SKIDA1: variants seen among roughly 807,000 people sequenced by gnomAD.
The protein encoded by SKIDA1 is SKI/DACH domain-containing protein 1.
A neutral mutation model predicts 51.4 loss-of-function variants in SKIDA1; 18 were observed. The observed-to-expected ratio is 0.35, with a 90% confidence interval of 0.24 to 0.52. SKIDA1 has a LOEUF of 0.52. Among genes scored for constraint, SKIDA1 ranks in the 20% least tolerant of loss-of-function variants. SKIDA1 has a pLI of 0.95. For synonymous variants in SKIDA1, 579 were observed against 500.5 expected (o/e 1.16, Z -2.09); for missense variants, 1,104 against 1,180.6 (o/e 0.94, Z 0.95).
chr10:21,515,468 T>C lies in SKIDA1; in HGVS notation c.2355A>G (p.Val785=), dbSNP rs973492701. The C allele has an allele frequency of 5.6e-6, 9 of 1,613,922 alleles. No homozygotes were observed. Among genetic ancestry groups the C allele is most frequent in the South Asian group, 5.5e-5 (5 of 91,092 alleles). The change falls in exon 4 of 4, where the codon GTA becomes GTG. Residue 785 remains valine, a synonymous_variant. Transcript: ENST00000449193. The part of the protein sequence containing the change: ...ARVRKNYRTL[V]LGKRPVLQTP... Reference sequence around the variant, plus strand: ...TCTGAAGGACAGGTCGCTTTCCCAGTACTAGTGTCCGGTAATTTTTTCTCA... The same window carrying C: ...TCTGAAGGACAGGTCGCTTTCCCAGCACTAGTGTCCGGTAATTTTTTCTCA...
intron 1 of SKIDA1, chr10:21,524,792 G>C (rs150400092): frequency 6.6e-6 from 1 of 152,282 alleles, no homozygotes; most frequent in Non-Finnish European, 1.5e-5. Context: ...GTTTGTCCTT[G>C]TATCCACCAG....
chr10:21,518,035 G>C lies in SKIDA1; in HGVS notation c.-213C>G. The C allele has an allele frequency of 1.9e-6, 1 of 520,598 alleles. No homozygotes were observed. The allele number at this position is 520,598 out of a possible 1,614,324, so 32.2% of individuals were successfully genotyped here. A position where few individuals can be genotyped will look rare whatever the true frequency, so the allele number is the denominator to read the frequency against. ...AAACCCCATGAAATTACACTGACTT[G>C]ATTCTTGCTTTTTTGTTGTTGTTGT... On this transcript the variant is annotated 5_prime_UTR_variant, in exon 4 of 4. It adds an upstream start codon to the 5' untranslated region. Coordinates refer to ENST00000449193, the MANE Select transcript of SKIDA1 (RefSeq NM_207371.4).
At position 21,516,870 on chromosome 10, in the gene SKIDA1, G is replaced by A. The variant is rs1379036176; in HGVS notation, c.953C>T (p.Ala318Val). 1.5e-6 allele frequency: 2 copies of A among 1,303,252 alleles called. No individual in the cohort carries two copies. Among genetic ancestry groups the A allele is most frequent in the Non-Finnish European group, 9.7e-7 (1 of 1,031,234 alleles). 80.7% of individuals were successfully genotyped at this position (1,303,252 alleles called of 1,614,324 possible). Residue 318 changes from alanine (A) to valine (V), a missense_variant, in exon 4 of 4, where the codon GCG (alanine) becomes GTG (valine). Transcript: ENST00000449193. This position sits in a 1 kb window ranked among gnomAD's most constrained non-coding sequence, Gnocchi z 5.7. ...AAAAAAAAAA[A>V]GATCLERFHL... ...AAACCTCTCCAGGCAAGTGGCCCCC[G>A]CGGCGGCCGCCGCCGCCGCTGCCGC...
rs979413962 is a variant in SKIDA1, at chr10:21,518,001, G to T, written c.-179C>A. On this transcript the variant is annotated 5_prime_UTR_variant, in exon 4 of 4. Transcript: ENST00000449193. Reference sequence around the variant, plus strand: ...TGCCAAACTCTAGGCGAAATTATTGGGGGGGGGGAAACCCCATGAAATTAC... The same window carrying T: ...TGCCAAACTCTAGGCGAAATTATTGTGGGGGGGGAAACCCCATGAAATTAC... 3.1e-5 allele frequency: 17 copies of T among 544,598 alleles called. No individual in the cohort carries two copies. The highest frequency in any genetic ancestry group is 4.7e-5 in the Non-Finnish European group (15 of 316,362). 33.7% of individuals were successfully genotyped at this position (544,598 alleles called of 1,614,324 possible).
rs1394106319 is a variant in SKIDA1, at chr10:21,516,128, C to T, written c.1695G>A (p.Lys565=). The T allele has an allele frequency of 1.9e-6, 3 of 1,613,920 alleles. No individual in the cohort carries two copies. The highest frequency in any genetic ancestry group is 3.3e-5 in the Admixed American group (2 of 60,004). Reference sequence around the variant, plus strand: ...GGCAGTTAATTGTCAGGTCAGTTCTCTTTACAGCATTGGAAATTTCAGAGT... The same window carrying T: ...GGCAGTTAATTGTCAGGTCAGTTCTTTTTACAGCATTGGAAATTTCAGAGT... ...FPHSEISNAV[K]RTDLTINCLA... The change falls in exon 4 of 4, where the codon AAG becomes AAA. Residue 565 remains lysine (K), a synonymous_variant. Coordinates refer to ENST00000449193, the MANE Select transcript of SKIDA1 (RefSeq NM_207371.4). This position sits in a 1 kb window ranked among gnomAD's most constrained non-coding sequence, Gnocchi z 5.7.
At chr10:21,521,359 A>G (rs559551997) in intron 3 of SKIDA1, 30 bp downstream of exon 3, 1 of 152,766 alleles carries the variant, frequency 6.5e-6, no homozygotes, top group East Asian at 1.9e-4. Context: ...GTTATCAATT[A>G]TGCTTAAAGT....
At position 21,517,334 on chromosome 10, in the gene SKIDA1, C is replaced by T; in HGVS notation, c.489G>A (p.Ala163=). 7.0e-7 allele frequency: 1 copy of T among 1,423,530 alleles called. No homozygotes were observed. The highest frequency in any genetic ancestry group is 3.1e-5 in the Admixed American group (1 of 32,304). The allele number at this position is 1,423,530 out of a possible 1,614,324, so 88.2% of individuals were successfully genotyped here. A position where few individuals can be genotyped will look rare whatever the true frequency, so the allele number is the denominator to read the frequency against. ...TCTGAGGTAGATGGGCGGCGGGGCGCGCGGCGGCGGCGCCCGGGCGCTGGG... is the reference window on the plus strand; with the variant it reads ...TCTGAGGTAGATGGGCGGCGGGGCGTGCGGCGGCGGCGCCCGGGCGCTGGG... ...AQSQRPGAAA[A]RPAAHLPQIF... is the part of the protein sequence containing the mutation. The change falls in exon 4 of 4, where the codon GCG becomes GCA. Residue 163 remains alanine, a synonymous_variant. Coordinates refer to ENST00000449193, the MANE Select transcript of SKIDA1 (RefSeq NM_207371.4). The surrounding 1 kb of genome is among the most constrained non-coding windows in gnomAD (Gnocchi z 6.9).
At chr10:21,524,693 G>T (rs2032599765) in intron 1 of SKIDA1, 1 of 145,074 alleles carries the variant, frequency 6.9e-6, no homozygotes, top group Admixed American at 7.3e-5. Context: ...AAACTCTCCC[G>T]ACATCCGTAG....
chr10:21,517,044 C>T lies in SKIDA1; in HGVS notation c.779G>A (p.Gly260Asp), dbSNP rs1277723356. Reference sequence around the variant, plus strand: ...GCTCAGGCTCCCCGGGCCTCCGGCGCCCGCCGCTGCCTTGGGCTGGGGCCC... The same window carrying T: ...GCTCAGGCTCCCCGGGCCTCCGGCGTCCGCCGCTGCCTTGGGCTGGGGCCC... ...AAGPQPKAAAGAGGPGSLSYR... is the reference protein window; with the variant it reads ...AAGPQPKAAADAGGPGSLSYR... The change falls in exon 4 of 4, where the codon GGC becomes GAC. Residue 260 changes from glycine to aspartate, a missense_variant. Physicochemically the swap from Gly to Asp is moderately conservative, Grantham distance 94 (BLOSUM62 -1). Transcript: ENST00000449193. The surrounding 1 kb of genome is among the most constrained non-coding windows in gnomAD (Gnocchi z 6.9). 2 of 1,018,192 alleles carry T rather than the reference C, an allele frequency of 2.0e-6. No individual in the cohort carries two copies. Among genetic ancestry groups the T allele is most frequent in the Non-Finnish European group, 2.3e-6 (2 of 855,394 alleles). 63.1% of individuals were successfully genotyped at this position (1,018,192 alleles called of 1,614,324 possible). A position where few individuals can be genotyped will look rare whatever the true frequency, so the allele number is the denominator to read the frequency against.
In SKIDA1 at chr10:21,517,434, C is replaced by T; in HGVS notation, c.389G>A (p.Gly130Glu). The change falls in exon 4 of 4, where the codon GGA (glycine) becomes GAA (glutamate). Residue 130 changes from glycine to glutamate, a missense_variant. Gly to Glu is a moderately conservative substitution (Grantham distance 98). Transcript: ENST00000449193. This position sits in a 1 kb window ranked among gnomAD's most constrained non-coding sequence, Gnocchi z 6.9. Reference sequence around the variant, plus strand: ...AAGTTGGTGCTTGTCCTTCCAAAATCCCGGGCGGGGGCTGGCGGCAGCGGC... The same window carrying T: ...AAGTTGGTGCTTGTCCTTCCAAAATTCCGGGCGGGGGCTGGCGGCAGCGGC... The part of the protein sequence containing the change: ...ERAAAASPRP[G>E]FWKDKHQLWR... 6.7e-7 allele frequency: 1 copy of T among 1,492,026 alleles called. No homozygotes were observed. The highest frequency in any genetic ancestry group is 8.9e-7 in the Non-Finnish European group (1 of 1,126,970). 92.4% of individuals were successfully genotyped at this position (1,492,026 alleles called of 1,614,324 possible). A position where few individuals can be genotyped will look rare whatever the true frequency, so the allele number is the denominator to read the frequency against.
rs1261016056 is a variant in SKIDA1 at position 21,514,556 on chromosome 10, A to G, written c.*540T>C. ...AGAGGGAATAAGGGGAGTCAAAAGA[A>G]AAAGATACCCCACAAACAAGAGCTC... On this transcript the variant is annotated 3_prime_UTR_variant, in exon 4 of 4. Coordinates refer to ENST00000449193, the MANE Select transcript of SKIDA1 (RefSeq NM_207371.4). 1 of 152,688 alleles carries G rather than the reference A, an allele frequency of 6.5e-6. No homozygotes were observed. The highest frequency in any genetic ancestry group is 6.5e-5 in the Admixed American group (1 of 15,276). 9.5% of individuals were successfully genotyped at this position (152,688 alleles called of 1,614,324 possible).
In SKIDA1 at chr10:21,513,580, C is replaced by T. The variant is rs1588678686; in HGVS notation, c.*1516G>A. The T allele has an allele frequency of 1.3e-5, 2 of 152,632 alleles. No individual in the cohort carries two copies. The highest frequency in any genetic ancestry group is 1.3e-4 in the Admixed American group (2 of 15,288). The allele number at this position is 152,632 out of a possible 1,614,324, so 9.5% of individuals were successfully genotyped here. On this transcript the variant is annotated 3_prime_UTR_variant, in exon 4 of 4. Transcript: ENST00000449193. Reference sequence around the variant, plus strand: ...CTGCTTCCATCATCACAACACAGTACACCAGCATGGCCCTTACCCAGGGCT... The same window carrying T: ...CTGCTTCCATCATCACAACACAGTATACCAGCATGGCCCTTACCCAGGGCT...
intron 2 of SKIDA1, among the ~76,000 whole-genome samples, chr10:21,522,843 C>T (rs1007101550): frequency 2.1e-4 from 32 of 151,770 alleles, no homozygotes; most frequent in Admixed American, 1.3e-4. Context: ...CCTTTTTTTG[C>T]CCCCTGACCC....
rs1254859644 is a variant in SKIDA1 at position 21,517,541 on chromosome 10, G to A, written c.282C>T (p.Ser94=). The change falls in exon 4 of 4, where the codon TCC becomes TCT. Residue 94 remains serine, a synonymous_variant. Transcript: ENST00000449193. This position sits in a 1 kb window ranked among gnomAD's most constrained non-coding sequence, Gnocchi z 6.9. The stretch of plus-strand genomic sequence containing the variant: ...TCTTGAGGACGCGCTCGGTTTTGCA[G>A]GAGGTGTAGAGCGCTTCCACGTCTT... ...SREDVEALYT[S]CKTERVLKTK... 1 of 1,596,348 alleles carries A rather than the reference G, an allele frequency of 6.3e-7. No homozygotes were observed.
At position 21,514,489 on chromosome 10, in the gene SKIDA1, CA is replaced by C. The variant is rs1370957794; in HGVS notation, c.*606del. 44 of 131,140 alleles carry C rather than the reference CA, an allele frequency of 3.4e-4. No homozygotes were observed. Among genetic ancestry groups the C allele is most frequent in the Admixed American group, 1.3e-3 (17 of 13,416 alleles). The allele number at this position is 131,140 out of a possible 1,614,324, so 8.1% of individuals were successfully genotyped here. On this transcript the variant is annotated 3_prime_UTR_variant, in exon 4 of 4. Transcript: ENST00000449193. The stretch of plus-strand genomic sequence containing the variant: ...ATCAGGACTCACACCCCAATCTTTC[CA>C]CTAAAAAAAAAAAAAAAAAGTTAAG...
Position 21,515,587 on chromosome 10 carries a change from G to A in SKIDA1, c.2236C>T (p.Pro746Ser), listed in dbSNP as rs1358894648. Residue 746 changes from proline to serine, a missense_variant, in exon 4 of 4, where the codon CCT becomes TCT. This residue lies in a region of SKIDA1 where 938 missense variants were observed against 886.4 expected (regional missense o/e 1.06). Transcript: ENST00000449193. ...EGFACPEKET[P>S]SLNPLAQSQG... ...CTTTGAGCCAGTGGATTTAAGGAAGGAGTTTCTTTTTCAGGGCATGCAAAA... is the reference window on the plus strand; with the variant it reads ...CTTTGAGCCAGTGGATTTAAGGAAGAAGTTTCTTTTTCAGGGCATGCAAAA... 4 of 1,614,024 alleles carry A rather than the reference G, an allele frequency of 2.5e-6. 1 individual carries two copies. The South Asian group carries it at 4.4e-5, about 18-fold the overall frequency.
rs1225024244 is a variant in SKIDA1, at chr10:21,514,232, A to AAAAG, written c.*863_*864insCTTT. On this transcript the variant is annotated 3_prime_UTR_variant, in exon 4 of 4. Transcript: ENST00000449193. ...TCTCTCCAAAAAAAAAAAAAAAAAA[A>AAAAG]AAAAGAAATATTTCAATTGTTTTGG... 1.3e-5 allele frequency: 2 copies of AAAAG among 151,120 alleles called. No individual in the cohort carries two copies. Among genetic ancestry groups the AAAAG allele is most frequent in the Admixed American group, 6.6e-5 (1 of 15,150 alleles). The allele number at this position is 151,120 out of a possible 1,614,324, so 9.4% of individuals were successfully genotyped here.
At chr10:21,524,277 T>A (rs2032549660) in intron 1 of SKIDA1, among the ~76,000 whole-genome samples, 1 of 152,130 alleles carries the variant, frequency 6.6e-6, no homozygotes, top group Admixed American at 6.5e-5. Context: ...ACAACAAACG[T>A]TATGGAAAAC....
chr10:21,515,393 T>C lies in SKIDA1; in HGVS notation c.2430A>G (p.Thr810=), dbSNP rs766510393. The part of the protein sequence containing the change: ...NLKSARSPRP[T]GKTETNEGTL... The stretch of plus-strand genomic sequence containing the variant: ...TTCCTTCATTTGTCTCAGTTTTACC[T>C]GTAGGACGAGGGCTTCTAGCTGATT... The change falls in exon 4 of 4, where the codon ACA becomes ACG. Residue 810 remains threonine, a synonymous_variant. Transcript: ENST00000449193. 13 of 1,613,950 alleles carry C rather than the reference T, an allele frequency of 8.1e-6. No homozygotes were observed. The highest frequency in any genetic ancestry group is 5.9e-6 in the Non-Finnish European group (7 of 1,179,922).
Sources: allele counts gnomAD v4.1 joint callset (sites outside exome capture counted in the v4.1 genomes callset), GRCh38; gene constraint gnomAD v4.1.1; regional missense constraint gnomAD v4.1.1; non-coding constraint Gnocchi (gnomAD v3.1); transcripts MANE v1.5; gene names NCBI Gene and HGNC (gene_info 2026-07-23, HGNC 2026-07-21).